Variants in C15orf61 observed in about 807,000 individuals in gnomAD.
The protein encoded by C15orf61 is chromosome 15 open reading frame 61, also known as uncharacterized protein C15orf61.
C15orf61 carries 12 observed loss-of-function variants against 13.7 expected under a neutral mutation model. That is an observed-to-expected ratio of 0.88 (90% CI 0.56 to 1.42). C15orf61 has a LOEUF of 1.42. Ranked by LOEUF, C15orf61 falls within the 40% of genes most tolerant of loss-of-function variation. The pLI, the probability that C15orf61 is intolerant of heterozygous loss-of-function variation, is 0.00. For missense variants in C15orf61, 248 were observed against 213.2 expected, an observed-to-expected ratio of 1.16 and a Z score of -1.02; for synonymous variants, 92 against 94.1, an observed-to-expected ratio of 0.98 and a Z score of 0.13.
chr15:67,526,500 AACAGTTTATTTTCTC>A lies in C15orf61; in HGVS notation c.431_445del (p.Thr144_Leu148del). 1 of 1,540,864 alleles carries A rather than the reference AACAGTTTATTTTCTC, an allele frequency of 6.5e-7. No individual in the cohort carries two copies. The highest frequency in any genetic ancestry group is 8.8e-7 in the Non-Finnish European group (1 of 1,140,352). ...CTGTGCATACCAGTTATGGACCCAT[AACAGTTTATTTTCTC>A]AATAAAGAAGATGAAGGTGCCATGT... On this transcript the variant is annotated inframe_deletion, in exon 2 of 2. Transcript: ENST00000342683.
chr15:67,523,115 C>G (rs916355706), intron 1 of C15orf61, among the ~76,000 whole-genome samples: 11 of 152,212 alleles, frequency 7.2e-5, no homozygotes, highest in African/African-American at 1.7e-4. Flanking sequence ...AAAAATCCTG[C>G]TAAAATGGGA....
chr15:67,526,774 ATT>A lies in C15orf61; in HGVS notation c.*234_*235del, dbSNP rs1001409666. 2.9e-6 allele frequency: 1 copy of A among 348,088 alleles called. No homozygotes were observed. The highest frequency in any genetic ancestry group is 5.1e-6 in the Non-Finnish European group (1 of 196,330). The allele number at this position is 348,088 out of a possible 1,614,324, so 21.6% of individuals were successfully genotyped here. On this transcript the variant is annotated 3_prime_UTR_variant, in exon 2 of 2. Transcript: ENST00000342683. Reference sequence around the variant, plus strand: ...CTACAAACACATGAAGCTTCACACCATTTTTTCCCTAGAACTAGGTTAACCTA... The same window carrying A: ...CTACAAACACATGAAGCTTCACACCATTTTCCCTAGAACTAGGTTAACCTA...
intron 1 of C15orf61, among the ~76,000 whole-genome samples, chr15:67,523,441 C>G (rs1200166298): frequency 6.6e-6 from 1 of 152,024 alleles, no homozygotes. Context: ...TTTCTGTTTA[C>G]CCATTTGCTC....
intron 1 of C15orf61, 194 bp downstream of exon 1, chr15:67,521,788 C>A (rs554298229): frequency 1.8e-5 from 12 of 660,522 alleles, no homozygotes; most frequent in Non-Finnish European, 3.1e-5. Context: ...GCTCCTGGCA[C>A]CCGAAGCCGT....
At chr15:67,522,080 A>G in intron 1 of C15orf61, 1 of 701,630 alleles carries the variant, frequency 1.4e-6, no homozygotes, top group Non-Finnish European at 2.6e-6. Flanking sequence ...TCGTTTTACT[A>G]AAAGCACCAA....
intron 1 of C15orf61, 146 bp downstream of exon 1, chr15:67,521,740 C>G: frequency 1.2e-6 from 1 of 834,846 alleles, no homozygotes; most frequent in Non-Finnish European, 1.8e-6. Flanking sequence ...GCCTGGGGTC[C>G]TTTGTACTCC....
Position 67,526,418 on chromosome 15 carries a change from G to A in C15orf61, c.347G>A (p.Gly116Asp), listed in dbSNP as rs561191114. ...TTATACATATTCGTTTGTTTTCTAGGTATTCCAACTTTATTATATGGACTT... is the reference window on the plus strand; with the variant it reads ...TTATACATATTCGTTTGTTTTCTAGATATTCCAACTTTATTATATGGACTT... ...FFTALKVVNL[G>D]IPTLLYGLGS... The change falls in exon 2 of 2, where the codon GGT becomes GAT. Residue 116 changes from glycine to aspartate, a missense_variant and splice_region_variant. By Grantham distance (94) the Gly-to-Asp change is moderately conservative. Transcript: ENST00000342683. 4.0e-6 allele frequency: 6 copies of A among 1,518,182 alleles called. No individual in the cohort carries two copies. In the East Asian group the frequency reaches 1.5e-4, roughly 37 times the overall value. The allele number at this position is 1,518,182 out of a possible 1,614,324, so 94.0% of individuals were successfully genotyped here. A position where few individuals can be genotyped will look rare whatever the true frequency, so the allele number is the denominator to read the frequency against.
Position 67,521,380 on chromosome 15 carries a change from C to A in C15orf61, c.132C>A (p.Arg44=), listed in dbSNP as rs1279485285. ...EVLTRHLLQR[R]LPHWTSFCVP... ...TGACGCGGCATCTGCTGCAGCGGCGCCTGCCGCACTGGACCTCCTTCTGCG... is the reference window on the plus strand; with the variant it reads ...TGACGCGGCATCTGCTGCAGCGGCGACTGCCGCACTGGACCTCCTTCTGCG... Residue 44 remains arginine, a synonymous_variant, in exon 1 of 2, where the codon CGC becomes CGA. Coordinates refer to ENST00000342683, the MANE Select transcript of C15orf61 (RefSeq NM_001143936.2). The A allele has an allele frequency of 6.5e-7, 1 of 1,539,918 alleles. No homozygotes were observed. Among genetic ancestry groups the A allele is most frequent in the Non-Finnish European group, 8.7e-7 (1 of 1,146,404 alleles).
chr15:67,524,050 A>C (rs896058457), intron 1 of C15orf61, among the ~76,000 whole-genome samples: 109 of 152,352 alleles, frequency 7.2e-4, no homozygotes, highest in African/African-American at 2.5e-3. Context: ...GTGATTTTTC[A>C]AAAGTATGAA....
Position 67,521,232 on chromosome 15 carries a change from C to T in C15orf61, c.-17C>T, listed in dbSNP as rs1275239166. 4 of 1,219,014 alleles carry T rather than the reference C, an allele frequency of 3.3e-6. No homozygotes were observed. The highest frequency in any genetic ancestry group is 3.1e-5 in the African/African-American group (2 of 63,658). The allele number at this position is 1,219,014 out of a possible 1,614,324, so 75.5% of individuals were successfully genotyped here. On this transcript the variant is annotated 5_prime_UTR_variant, in exon 1 of 2. Transcript: ENST00000342683. ...AGCGGCTGCGGACACCAGCCTGCGT[C>T]CCCGGCGCGGCGGGCCATGGAGGCC...
chr15:67,521,836 G>T (rs2084166846), intron 1 of C15orf61: 1 of 612,800 alleles, frequency 1.6e-6, no homozygotes, highest in Admixed American at 3.0e-5. Flanking sequence ...CTAGGGAGGG[G>T]CGGGTCGCCC....
chr15:67,524,994 G>A (rs917416462), intron 1 of C15orf61, among the ~76,000 whole-genome samples: 9 of 151,910 alleles, frequency 5.9e-5, no homozygotes, highest in African/African-American at 2.2e-4. Flanking sequence ...GCGCCATCAC[G>A]CCCAGCTAAT....
In C15orf61 at chr15:67,528,408, T is replaced by A. The variant is rs2084210243; in HGVS notation, c.*1863T>A. 2.0e-5 allele frequency: 3 copies of A among 152,248 alleles called. No individual in the cohort carries two copies. Among genetic ancestry groups the A allele is most frequent in the African/African-American group, 7.2e-5 (3 of 41,470 alleles). 9.4% of individuals were successfully genotyped at this position (152,248 alleles called of 1,614,324 possible). A position where few individuals can be genotyped will look rare whatever the true frequency, so the allele number is the denominator to read the frequency against. On this transcript the variant is annotated 3_prime_UTR_variant, in exon 2 of 2. Coordinates refer to ENST00000342683, the MANE Select transcript of C15orf61 (RefSeq NM_001143936.2). ...GATTTCTTGTCTGATGTGCTCACTG[T>A]ATAACAAGTAAATGTAATATTTTCT...
chr15:67,523,276 A>T (rs893241681), intron 1 of C15orf61, among the ~76,000 whole-genome samples: 3 of 152,208 alleles, frequency 2.0e-5, no homozygotes, highest in African/African-American at 7.2e-5. Flanking sequence ...CTGAAGGTAG[A>T]GGGGATGTGA....
In C15orf61 at chr15:67,527,669, A is replaced by G. The variant is rs1357659331; in HGVS notation, c.*1124A>G. ...GTAGCAAAACATTTTATAAAATTCA[A>G]CATTTGGATGCTTATGTCAAGTCAG... is the stretch of plus-strand genomic sequence containing the variant. On this transcript the variant is annotated 3_prime_UTR_variant, in exon 2 of 2. Transcript: ENST00000342683. The G allele has an allele frequency of 6.6e-6, 1 of 152,210 alleles. No homozygotes were observed. The highest frequency in any genetic ancestry group is 1.9e-4 in the East Asian group (1 of 5,208). The allele number at this position is 152,210 out of a possible 1,614,324, so 9.4% of individuals were successfully genotyped here.
chr15:67,521,482 C>G lies in C15orf61; in HGVS notation c.234C>G (p.His78Gln). The G allele has an allele frequency of 2.6e-6, 4 of 1,548,542 alleles. No individual in the cohort carries two copies. Among genetic ancestry groups the G allele is most frequent in the East Asian group, 2.4e-5 (1 of 40,904 alleles). Reference sequence around the variant, plus strand: ...GGCCGGTGCAGGGCGCCAACTACCACGTCCTGCGCACCGGCTGCTTCCCCT... The same window carrying G: ...GGCCGGTGCAGGGCGCCAACTACCAGGTCCTGCGCACCGGCTGCTTCCCCT... ...FNWPVQGANYHVLRTGCFPFI... is the reference protein window; with the variant it reads ...FNWPVQGANYQVLRTGCFPFI... The change falls in exon 1 of 2, where the codon CAC (histidine) becomes CAG (glutamine). Residue 78 changes from histidine to glutamine, a missense_variant. Physicochemically the swap from His to Gln is conservative, Grantham distance 24. Coordinates refer to ENST00000342683, the MANE Select transcript of C15orf61 (RefSeq NM_001143936.2).
intron 1 of C15orf61, among the ~76,000 whole-genome samples, chr15:67,524,119 A>C (rs1402654538): frequency 6.6e-6 from 1 of 152,210 alleles, no homozygotes; most frequent in East Asian, 1.9e-4. Flanking sequence ...GAAAATTGTC[A>C]GTGTCACCAG....
rs907107340 is a variant in C15orf61, at chr15:67,529,192, C to T, written c.*2647C>T. The T allele has an allele frequency of 6.6e-6, 1 of 152,070 alleles. No homozygotes were observed. Among genetic ancestry groups the T allele is most frequent in the Admixed American group, 6.6e-5 (1 of 15,256 alleles). The allele number at this position is 152,070 out of a possible 1,614,324, so 9.4% of individuals were successfully genotyped here. ...TTATTTCTATACAAATGAATTATCA[C>T]GTATTGGAATAAATTTCTAGGCAAA... On this transcript the variant is annotated 3_prime_UTR_variant, in exon 2 of 2. Coordinates refer to ENST00000342683, the MANE Select transcript of C15orf61 (RefSeq NM_001143936.2). This position sits in a 1 kb window ranked among gnomAD's most constrained non-coding sequence, Gnocchi z 4.4.
chr15:67,526,373 T>C, intron 1 of C15orf61, 45 bp from the exon 2 acceptor site: 1 of 1,292,910 alleles, frequency 7.7e-7, no homozygotes, highest in Non-Finnish European at 1.1e-6. Context: ...GTAACTTGCA[T>C]GATTAATAAG....
Sources: allele counts gnomAD v4.1 joint callset (sites outside exome capture counted in the v4.1 genomes callset), GRCh38; gene constraint gnomAD v4.1.1; non-coding constraint Gnocchi (gnomAD v3.1); transcripts MANE v1.5; gene names NCBI Gene and HGNC (gene_info 2026-07-23, HGNC 2026-07-21).